The following PDS5A variants were observed in gnomAD, a reference collection of about 807,000 sequenced individuals.
PDS5A encodes the protein sister chromatid cohesion protein PDS5 homolog A.
PDS5A carries 42 observed loss-of-function variants against 167.1 expected under a neutral mutation model. The observed-to-expected ratio is 0.25, with a 90% CI of 0.20 to 0.33. The LOEUF is 0.33. Among genes scored for constraint, PDS5A ranks in the 10% least tolerant of loss-of-function variants. The pLI, the probability that PDS5A is intolerant of heterozygous loss-of-function variation, is 1.00. For synonymous variants in PDS5A, 553 were observed against 554.6 expected, an observed-to-expected ratio of 1.00 and a Z score of 0.04; for missense variants, 1,033 against 1,605.9, an observed-to-expected ratio of 0.64 and a Z score of 6.10.
chr4:39,885,651 A>G (rs1269563529), intron 17 of PDS5A, among the ~76,000 whole-genome samples: 1 of 152,112 alleles, frequency 6.6e-6, no homozygotes, highest in Non-Finnish European at 1.5e-5. Context: ...ATAGTGGCTC[A>G]CGCCTGTAAT....
rs1560440018 is a variant in PDS5A, at chr4:39,867,772, A to ACACACC, written c.2506-776_2506-775insGGTGTG. Among the ~76,000 whole-genome samples, 9 of 90,662 alleles carry ACACACC rather than the reference A, an allele frequency of 9.9e-5. No homozygotes were observed. In the South Asian group the frequency reaches 3.1e-3, roughly 31 times the overall value. 59.5% of individuals were successfully genotyped at this position (90,662 alleles called of 152,430 possible). A position where few individuals can be genotyped will look rare whatever the true frequency, so the allele number is the denominator to read the frequency against. On this transcript the variant is annotated intron_variant, in intron 22 of 32. Transcript: ENST00000303538. ...CACACACACACACACACACACACACACACCCCACAACTGTACTGATTGTGG... is the reference window on the plus strand; with the variant it reads ...CACACACACACACACACACACACACACACACCCACCCCACAACTGTACTGATTGTGG...
rs1731263647 is a variant in PDS5A, at chr4:39,977,756, A to T, written c.-340T>A. ...GTGTGTGCGCTTGTGTCCGTCCGGGACCCCCGCGGCCCGCCCGCACGCACC... is the reference window on the plus strand; with the variant it reads ...GTGTGTGCGCTTGTGTCCGTCCGGGTCCCCCGCGGCCCGCCCGCACGCACC... On this transcript the variant is annotated 5_prime_UTR_variant, in exon 1 of 33. Transcript: ENST00000303538. The surrounding 1 kb of genome is among the most constrained non-coding windows in gnomAD (Gnocchi z 4.2). 6.8e-6 allele frequency: 1 copy of T among 147,172 alleles called. No individual in the cohort carries two copies. The highest frequency in any genetic ancestry group is 2.0e-4 in the East Asian group (1 of 4,954). The allele number at this position is 147,172 out of a possible 1,614,324, so 9.1% of individuals were successfully genotyped here.
chr4:39,864,930 T>G (rs1341393247), intron 23 of PDS5A, among the ~76,000 whole-genome samples: 8 of 152,228 alleles, frequency 5.3e-5, no homozygotes, highest in Non-Finnish European at 8.8e-5. Context: ...TGGAAAATAA[T>G]GCTGGAGGAA....
At chr4:39,880,798 T>C (rs1720863555) in intron 17 of PDS5A, among the ~76,000 whole-genome samples, 1 of 152,202 alleles carries the variant, frequency 6.6e-6, no homozygotes, top group Non-Finnish European at 1.5e-5. Context: ...TTTCTTTGTG[T>C]TGGGAACATT....
At chr4:39,925,221 T>C (rs1467403353) in intron 5 of PDS5A, among the ~76,000 whole-genome samples, 1 of 151,928 alleles carries the variant, frequency 6.6e-6, no homozygotes, top group African/African-American at 2.4e-5. Context: ...CCAAAAAACA[T>C]GGGCTAAAAT....
intron 9 of PDS5A, among the ~76,000 whole-genome samples, chr4:39,910,983 A>T (rs1267411061): frequency 6.6e-6 from 1 of 152,024 alleles, no homozygotes; most frequent in African/African-American, 2.4e-5. Context: ...AAAACACAAA[A>T]ATCAGCCGGG....
At chr4:39,850,460 A>G (rs1303814453) in intron 26 of PDS5A, among the ~76,000 whole-genome samples, 2 of 152,056 alleles carry the variant, frequency 1.3e-5, no homozygotes, top group Non-Finnish European at 2.9e-5. Context: ...TGGGCAAAAA[A>G]GTGACACCCT....
At chr4:39,969,458 C>T (rs1730297615) in intron 2 of PDS5A, among the ~76,000 whole-genome samples, 1 of 152,164 alleles carries the variant, frequency 6.6e-6, no homozygotes, top group African/African-American at 2.4e-5. Context: ...CCTGAGGTCA[C>T]CAGTTCGAGA....
At chr4:39,948,416 C>T (rs1405227527) in intron 2 of PDS5A, among the ~76,000 whole-genome samples, 1 of 149,476 alleles carries the variant, frequency 6.7e-6, no homozygotes, top group African/African-American at 2.5e-5. Context: ...ACCTCCGCCT[C>T]CCGGGTTCAA....
At chr4:39,843,761 A>C (rs1340536513) in intron 30 of PDS5A, among the ~76,000 whole-genome samples, 5 of 151,198 alleles carry the variant, frequency 3.3e-5, no homozygotes, top group African/African-American at 1.2e-4. Flanking sequence ...TAACTCTTAT[A>C]TTATTTTCTG....
At chr4:39,875,750 TTCCTCTC>T (rs1468711436) in intron 19 of PDS5A, among the ~76,000 whole-genome samples, 6 of 152,178 alleles carry the variant, frequency 3.9e-5, no homozygotes, top group Non-Finnish European at 2.9e-5. Flanking sequence ...GAAGATGTCT[TTCCTCTC>T]TCCTATCTGT....
intron 31 of PDS5A, among the ~76,000 whole-genome samples, chr4:39,840,575 T>C (rs1044512264): frequency 6.6e-6 from 1 of 152,164 alleles, no homozygotes; most frequent in African/African-American, 2.4e-5. Context: ...TTTGTATTTT[T>C]AGTAGAGACG....
In PDS5A at chr4:39,864,198, A is replaced by G. The variant is rs1035453957; in HGVS notation, c.2643-739T>C. ...AAAAAAACCACAAAGAATTAAAAAA[A>G]AAATCACCTATCATCATTTAAAATC... On this transcript the variant is annotated intron_variant, in intron 23 of 32. Transcript: ENST00000303538. Among the ~76,000 whole-genome samples the G allele has an allele frequency of 3.9e-5, 6 of 152,188 alleles. 1 individual carries two copies. Among genetic ancestry groups the G allele is most frequent in the East Asian group, 3.8e-4 (2 of 5,200 alleles).
At chr4:39,899,625 C>T (rs912695796) in intron 14 of PDS5A, among the ~76,000 whole-genome samples, 1 of 152,030 alleles carries the variant, frequency 6.6e-6, no homozygotes, top group Non-Finnish European at 1.5e-5. Flanking sequence ...GGCAGGCAGA[C>T]TGCATGAGCC....
intron 2 of PDS5A, among the ~76,000 whole-genome samples, chr4:39,929,609 G>GTA: frequency 1.3e-5 from 1 of 79,022 alleles, no homozygotes; most frequent in East Asian, 3.4e-4. Context: ...ATTGGGGCGT[G>GTA]TGTGTGTGTG....
chr4:39,870,247 C>T (rs1719908154), intron 21 of PDS5A, among the ~76,000 whole-genome samples: 1 of 151,970 alleles, frequency 6.6e-6, no homozygotes, highest in African/African-American at 2.4e-5. Flanking sequence ...TAGCTAAAAC[C>T]ATAAAACTCT....
In PDS5A at chr4:39,953,716, C is replaced by T. The variant is rs546910139; in HGVS notation, c.138+22724G>A. 1.1e-4 allele frequency among the ~76,000 whole-genome samples: 17 copies of T among 152,062 alleles called. No individual in the cohort carries two copies. In the South Asian group the frequency reaches 2.1e-3, roughly 19 times the overall value. On this transcript the variant is annotated intron_variant, in intron 2 of 32. Transcript: ENST00000303538. ...CTGCACTCCAGCCTAGGCCACAGAGCGAGAACCTGTCTCAAAAGAATAAGT... is the reference window on the plus strand; with the variant it reads ...CTGCACTCCAGCCTAGGCCACAGAGTGAGAACCTGTCTCAAAAGAATAAGT...
chr4:39,912,320 GAAA>G (rs1723965026), intron 9 of PDS5A, among the ~76,000 whole-genome samples: 1 of 152,166 alleles, frequency 6.6e-6, no homozygotes, highest in South Asian at 2.1e-4. Flanking sequence ...TAACCAAAGT[GAAA>G]AATGAAGCCT....
At chr4:39,865,864 T>C (rs1467211289) in intron 23 of PDS5A, among the ~76,000 whole-genome samples, 1 of 152,262 alleles carries the variant, frequency 6.6e-6, no homozygotes, top group Admixed American at 6.5e-5. Flanking sequence ...GCATCATATG[T>C]AGAATACTTT....
Sources: allele counts gnomAD v4.1 joint callset (sites outside exome capture counted in the v4.1 genomes callset), GRCh38; gene constraint gnomAD v4.1.1; non-coding constraint Gnocchi (gnomAD v3.1); transcripts MANE v1.5; gene names NCBI Gene and HGNC (gene_info 2026-07-23, HGNC 2026-07-21).